FOXP1: variants seen among roughly 807,000 people sequenced by gnomAD.
FOXP1 encodes the protein forkhead box protein P1.
FOXP1 carries 15 observed loss-of-function variants against 98.2 expected under a neutral mutation model. That is an observed-to-expected ratio of 0.15 (90% CI 0.10 to 0.24). The LOEUF is 0.24. FOXP1 is among the 10% of genes least tolerant of loss of function. FOXP1 has a pLI of 1.00. For synonymous variants in FOXP1, 371 were observed against 314.5 expected (o/e 1.18, Z -1.90); for missense variants, 633 against 848.5 (o/e 0.75, Z 3.15).
chr3:71,012,017 G>C (rs181153749), intron 12 of FOXP1, among the ~76,000 whole-genome samples: 1 of 152,182 alleles, frequency 6.6e-6, no homozygotes, highest in African/African-American at 2.4e-5. Flanking sequence ...CCTATGATTT[G>C]AGGATTTTTT....
chr3:71,524,277 T>A (rs1578003645), intron 2 of FOXP1, among the ~76,000 whole-genome samples: 1 of 152,068 alleles, frequency 6.6e-6, no homozygotes, highest in Non-Finnish European at 1.5e-5. Context: ...GGCAGGAGAA[T>A]CACTTGAATC....
chr3:71,510,807 A>C (rs892196737), intron 2 of FOXP1, among the ~76,000 whole-genome samples: 13 of 152,238 alleles, frequency 8.5e-5, no homozygotes, highest in Admixed American at 6.5e-5. Flanking sequence ...CTGGGCTCAT[A>C]AACATAAATC....
At chr3:71,211,559 T>C (rs1190942046) in intron 5 of FOXP1, among the ~76,000 whole-genome samples, 1 of 152,148 alleles carries the variant, frequency 6.6e-6, no homozygotes, top group Admixed American at 6.5e-5. Flanking sequence ...TCCCCATGAA[T>C]CCCAAATTGT....
intron 4 of FOXP1, chr3:71,334,434 T>C (rs1365515875): frequency 6.6e-6 from 1 of 152,016 alleles, no homozygotes; most frequent in Non-Finnish European, 1.5e-5. Flanking sequence ...TAGGAATCCC[T>C]GGAGAGGAAA....
intron 3 of FOXP1, among the ~76,000 whole-genome samples, chr3:71,391,165 A>AT (rs1288568351): frequency 6.6e-6 from 1 of 152,178 alleles, no homozygotes; most frequent in Non-Finnish European, 1.5e-5. Context: ...AAAATATCAC[A>AT]TATTTCCAAT....
intron 5 of FOXP1, among the ~76,000 whole-genome samples, chr3:71,266,575 T>C (rs755671447): frequency 6.6e-6 from 1 of 152,108 alleles, no homozygotes; most frequent in Admixed American, 6.5e-5. Context: ...TATTTTTATT[T>C]TTATATTTTT....
At chr3:71,246,989 C>T (rs970903714) in intron 5 of FOXP1, among the ~76,000 whole-genome samples, 7 of 152,122 alleles carry the variant, frequency 4.6e-5, no homozygotes, top group Non-Finnish European at 7.3e-5. Context: ...ACATTCAATA[C>T]AGGGTGATTC....
chr3:70,974,644 T>TA, intron 17 of FOXP1, among the ~76,000 whole-genome samples: 1 of 152,336 alleles, frequency 6.6e-6, no homozygotes, highest in Non-Finnish European at 1.5e-5. Flanking sequence ...GGTCTACTGT[T>TA]ACTTACTGGA....
chr3:71,047,861 T>C (rs1237699136), intron 9 of FOXP1, among the ~76,000 whole-genome samples: 4 of 152,210 alleles, frequency 2.6e-5, no homozygotes, highest in African/African-American at 9.7e-5. Flanking sequence ...TAAATATCTT[T>C]TTGTTGATTG....
At position 71,432,863 on chromosome 3, in the gene FOXP1, A is replaced by C. The variant is rs893938835; in HGVS notation, c.-168+60563T>G. 1.3e-3 allele frequency among the ~76,000 whole-genome samples: 202 copies of C among 151,458 alleles called. 2 individuals carry two copies. Among genetic ancestry groups the C allele is most frequent in the African/African-American group, 4.7e-3 (193 of 41,258 alleles). ...GAACATGTTAAAAAAAAAAAAAAAAAAAATTAAAAAAAAAAGCCCCATGAT... is the reference window on the plus strand; with the variant it reads ...GAACATGTTAAAAAAAAAAAAAAAACAAATTAAAAAAAAAAGCCCCATGAT... On this transcript the variant is annotated intron_variant, in intron 3 of 20. Transcript: ENST00000649528.
intron 5 of FOXP1, among the ~76,000 whole-genome samples, chr3:71,201,503 CG>C (rs2063670967): frequency 6.6e-6 from 1 of 152,006 alleles, no homozygotes; most frequent in Non-Finnish European, 1.5e-5. Flanking sequence ...AAAAATTAGC[CG>C]GGCATGGTGG....
chr3:71,209,071 G>T (rs1347796024), intron 5 of FOXP1, among the ~76,000 whole-genome samples: 1 of 152,190 alleles, frequency 6.6e-6, no homozygotes, highest in African/African-American at 2.4e-5. Context: ...AGTCAGATCC[G>T]CTTAACTCTT....
intron 6 of FOXP1, among the ~76,000 whole-genome samples, chr3:71,133,363 G>A (rs2059664574): frequency 6.6e-6 from 1 of 152,168 alleles, no homozygotes; most frequent in Non-Finnish European, 1.5e-5. Flanking sequence ...ATTTTTAAAA[G>A]AGAAATTGTC....
At chr3:71,093,949 AAACATTTTG>A (rs1444408168) in intron 7 of FOXP1, among the ~76,000 whole-genome samples, 1 of 152,130 alleles carries the variant, frequency 6.6e-6, no homozygotes, top group Non-Finnish European at 1.5e-5. Context: ...ATCAGTTCCC[AAACATTTTG>A]GTAAGAAAGC....
intron 5 of FOXP1, among the ~76,000 whole-genome samples, chr3:71,237,431 C>T (rs1324308747): frequency 1.3e-5 from 2 of 152,014 alleles, no homozygotes; most frequent in Admixed American, 6.6e-5. Context: ...TAGCTAGCCA[C>T]GCTTCCAGGG....
intron 5 of FOXP1, chr3:71,288,444 C>G (rs905070676): frequency 6.6e-6 from 1 of 152,170 alleles, no homozygotes; most frequent in Non-Finnish European, 1.5e-5. Context: ...ATGAACCCAT[C>G]AAAGACTACC....
chr3:71,521,653 G>A (rs2043001411), intron 2 of FOXP1, among the ~76,000 whole-genome samples: 1 of 152,218 alleles, frequency 6.6e-6, no homozygotes, highest in Non-Finnish European at 1.5e-5. Context: ...GCTTGGGCCA[G>A]ACTAGACAGA....
At chr3:71,553,300 T>C (rs2045904843) in intron 2 of FOXP1, among the ~76,000 whole-genome samples, 1 of 152,160 alleles carries the variant, frequency 6.6e-6, no homozygotes, top group Non-Finnish European at 1.5e-5. Context: ...ATTCATCAAA[T>C]AAATAAACTT....
intron 4 of FOXP1, among the ~76,000 whole-genome samples, chr3:71,331,494 G>A (rs888364489): frequency 1.5e-4 from 23 of 152,218 alleles, no homozygotes; most frequent in Admixed American, 1.2e-3. Context: ...CGCACGGCGC[G>A]GGACTGGCAC....
Sources: gnomAD v4.1 joint callset for allele counts (sites outside exome capture counted in the v4.1 genomes callset) on GRCh38, gnomAD v4.1.1 for gene constraint, MANE v1.5 for transcripts, NCBI Gene and HGNC (gene_info 2026-07-23, HGNC 2026-07-21) for gene names.